Variants in PRKG1 observed in about 807,000 individuals in gnomAD.
PRKG1 encodes the protein protein kinase cGMP-dependent 1.
PRKG1 carries 35 observed loss-of-function variants against 88.1 expected under a neutral mutation model. The observed-to-expected ratio is 0.40, with a 90% CI of 0.30 to 0.53. The LOEUF (loss-of-function observed/expected upper bound fraction) is 0.53, where lower values mean the gene tolerates loss of function less well. Among genes scored for constraint, PRKG1 ranks in the 20% least tolerant of loss-of-function variants. The probability of loss-of-function intolerance (pLI) is 0.59; values close to 1 mark genes in which losing one functional copy is unlikely to be tolerated. For synonymous variants in PRKG1, 303 were observed against 292.5 expected, an observed-to-expected ratio of 1.04 and a Z score of -0.37; for missense variants, 540 against 839.8, an observed-to-expected ratio of 0.64 and a Z score of 4.41.
chr10:51,682,386 C>T (rs953971198), intron 3 of PRKG1, among the ~76,000 whole-genome samples: 2 of 152,162 alleles, frequency 1.3e-5, no homozygotes, highest in Non-Finnish European at 2.9e-5. Context: ...TAAAATGCCT[C>T]CTTCTCTGGT....
chr10:51,243,698 G>A (rs890536975), intron 2 of PRKG1, among the ~76,000 whole-genome samples: 1 of 152,126 alleles, frequency 6.6e-6, no homozygotes, highest in Non-Finnish European at 1.5e-5. Flanking sequence ...CATTTGGCAA[G>A]GTCTCTTTTC....
chr10:51,600,977 A>AGGAG (rs1838581769), intron 3 of PRKG1, among the ~76,000 whole-genome samples: 1 of 143,258 alleles, frequency 7.0e-6, no homozygotes, highest in African/African-American at 2.6e-5. Flanking sequence ...GAAGGAGAGA[A>AGGAG]AGGGAGGAGG....
chr10:51,041,280 T>A (rs1375228765), intron 1 of PRKG1, among the ~76,000 whole-genome samples: 1 of 152,188 alleles, frequency 6.6e-6, no homozygotes, highest in Non-Finnish European at 1.5e-5. Context: ...AAGCCTGGAA[T>A]CGGGGACCCC....
chr10:51,676,232 A>G (rs1840707047), intron 3 of PRKG1, among the ~76,000 whole-genome samples: 1 of 152,050 alleles, frequency 6.6e-6, no homozygotes, highest in Admixed American at 6.6e-5. Context: ...TAAAGTAAAA[A>G]TGTATGTCTT....
At chr10:51,005,320 G>C (rs1181013897) in intron 1 of PRKG1, among the ~76,000 whole-genome samples, 3 of 152,052 alleles carry the variant, frequency 2.0e-5, no homozygotes, top group Non-Finnish European at 1.5e-5. Context: ...AAAAGTTTTA[G>C]AGCTTTTGAA....
In PRKG1 at chr10:51,219,221, G is replaced by T. The variant is rs147387028; in HGVS notation, c.478+65891G>T. On this transcript the variant is annotated intron_variant, in intron 2 of 17. Transcript: ENST00000373980. ...ACAGTTTACACCGAACATAACTTAT[G>T]TTTTTCATTGACCTTAAAGGTACAT... is the stretch of plus-strand genomic sequence containing the variant. 3.1e-3 allele frequency among the ~76,000 whole-genome samples: 475 copies of T among 152,226 alleles called. 1 individual carries two copies. Among genetic ancestry groups the T allele is most frequent in the African/African-American group, 0.011 (453 of 41,544 alleles).
intron 2 of PRKG1, among the ~76,000 whole-genome samples, chr10:51,360,829 A>G (rs2132586110): frequency 6.6e-6 from 1 of 152,020 alleles, no homozygotes; most frequent in Non-Finnish European, 1.5e-5. Flanking sequence ...AACACATTTC[A>G]TGATAAGCTA....
At chr10:52,224,880 T>C (rs767172973) in intron 9 of PRKG1, among the ~76,000 whole-genome samples, 2 of 148,446 alleles carry the variant, frequency 1.3e-5, no homozygotes, top group Non-Finnish European at 3.0e-5. Context: ...TATCCACTCA[T>C]TGATTGATGG....
chr10:52,127,182 G>A (rs1006793660), intron 7 of PRKG1, among the ~76,000 whole-genome samples: 1 of 152,138 alleles, frequency 6.6e-6, no homozygotes, highest in Non-Finnish European at 1.5e-5. Context: ...ACACAAGAGA[G>A]ATGGGGAAGA....
chr10:51,001,367 A>G (rs892895203), intron 1 of PRKG1, among the ~76,000 whole-genome samples: 4 of 152,204 alleles, frequency 2.6e-5, no homozygotes, highest in Non-Finnish European at 4.4e-5. Context: ...GCAGAAATAC[A>G]TGGTGCTTCC....
At chr10:51,935,438 G>A (rs968876076) in intron 5 of PRKG1, among the ~76,000 whole-genome samples, 12 of 152,142 alleles carry the variant, frequency 7.9e-5, no homozygotes, top group African/African-American at 2.2e-4. Flanking sequence ...AACAGTTACC[G>A]AACTCCTACA....
chr10:51,124,140 T>G (rs1252642353), intron 1 of PRKG1, among the ~76,000 whole-genome samples: 1 of 152,112 alleles, frequency 6.6e-6, no homozygotes, highest in African/African-American at 2.4e-5. Context: ...AGATATGATC[T>G]GGGGGTCAAT....
chr10:51,914,300 C>A (rs1459774257), intron 5 of PRKG1, among the ~76,000 whole-genome samples: 1 of 136,440 alleles, frequency 7.3e-6, no homozygotes, highest in East Asian at 2.1e-4. Flanking sequence ...AACTTTTTTT[C>A]ATAGAGAAAA....
At chr10:51,847,835 T>G (rs1264006429) in intron 4 of PRKG1, among the ~76,000 whole-genome samples, 1 of 50,448 alleles carries the variant, frequency 2.0e-5, no homozygotes, top group Non-Finnish European at 3.6e-5. Flanking sequence ...GACTCAAGAC[T>G]CTGTTAAAAA....
At chr10:51,776,576 G>A (rs1408496642) in intron 3 of PRKG1, among the ~76,000 whole-genome samples, 2 of 152,142 alleles carry the variant, frequency 1.3e-5, no homozygotes, top group Non-Finnish European at 2.9e-5. Flanking sequence ...TGTAAACCCA[G>A]TACTTTGCAA....
chr10:51,722,770 T>G (rs1842043776), intron 3 of PRKG1, among the ~76,000 whole-genome samples: 1 of 152,218 alleles, frequency 6.6e-6, no homozygotes, highest in Admixed American at 6.5e-5. Context: ...CTATCTACAT[T>G]TTTCAATGTT....
At chr10:51,386,075 G>A (rs868786158) in intron 2 of PRKG1, among the ~76,000 whole-genome samples, 1 of 152,256 alleles carries the variant, frequency 6.6e-6, no homozygotes, top group South Asian at 2.1e-4. Context: ...TAGATGCCTT[G>A]TGTTCTTGAA....
At position 52,290,781 on chromosome 10, in the gene PRKG1, A is replaced by T. The variant is rs541631885; in HGVS notation, c.1962+491A>T. Among the ~76,000 whole-genome samples the T allele has an allele frequency of 2.0e-5, 3 of 152,280 alleles. No homozygotes were observed. In the East Asian group the frequency reaches 5.8e-4, roughly 29 times the overall value. On this transcript the variant is annotated intron_variant, in intron 17 of 17. Transcript: ENST00000373980. The stretch of plus-strand genomic sequence containing the variant: ...TGGAGCAGGAGGATCACTTGAGCCC[A>T]GGAATTTGAGCTTACAGTGAGCTGT...
At position 51,443,392 on chromosome 10, in the gene PRKG1, C is replaced by A. The variant is rs559022936; in HGVS notation, c.479-24331C>A. 5.3e-5 allele frequency among the ~76,000 whole-genome samples: 8 copies of A among 152,088 alleles called. No individual in the cohort carries two copies. The South Asian group carries it at 1.7e-3, about 32-fold the overall frequency. ...GCCCTTTACAGAAAAGATTTGCCAACCTCTGTAAAAAAGTTTTAAAGACTG... is the reference window on the plus strand; with the variant it reads ...GCCCTTTACAGAAAAGATTTGCCAAACTCTGTAAAAAAGTTTTAAAGACTG... On this transcript the variant is annotated intron_variant, in intron 2 of 17. Coordinates refer to ENST00000373980, the MANE Select transcript of PRKG1 (RefSeq NM_006258.4).
Sources: gnomAD v4.1 joint callset for allele counts (sites outside exome capture counted in the v4.1 genomes callset) on GRCh38, gnomAD v4.1.1 for gene constraint, MANE v1.5 for transcripts, NCBI Gene and HGNC (gene_info 2026-07-23, HGNC 2026-07-21) for gene names.